Variants in LRRC4B observed in about 807,000 individuals in gnomAD.
The protein encoded by LRRC4B is leucine-rich repeat-containing protein 4B.
Under a neutral mutation model 7.3 loss-of-function variants are expected in LRRC4B, and 1 was observed. The observed-to-expected ratio is 0.14, with a 90% CI of 0.05 to 0.65. The LOEUF is 0.65. Among genes scored for constraint, LRRC4B ranks in the 30% least tolerant of loss-of-function variants. The pLI is 0.84. For missense variants in LRRC4B, 730 were observed against 1,041.6 expected (o/e 0.70, Z 4.12); for synonymous variants, 500 against 499.2 (o/e 1.00, Z -0.02).
intron 2 of LRRC4B, among the ~76,000 whole-genome samples, chr19:50,531,661 CTGCAGAA>C (rs375616282): frequency 6.6e-6 from 1 of 152,238 alleles, no homozygotes; most frequent in African/African-American, 2.4e-5. Context: ...CTCCTCTTCT[CTGCAGAA>C]TGCCTGCTGA....
rs567050562 is a variant in LRRC4B, at chr19:50,543,271, C to T, written c.297+5271G>A. 2.0e-4 allele frequency among the ~76,000 whole-genome samples: 30 copies of T among 152,074 alleles called. No homozygotes were observed. The South Asian group carries it at 5.8e-3, about 29-fold the overall frequency. ...AGATGACAACCAAGGCGGCAGGTCA[C>T]ACGGGAGGCTCTGGAATCCCCAGAA... On this transcript the variant is annotated intron_variant, in intron 2 of 2. Transcript: ENST00000652263.
At chr19:50,523,452 C>G (rs1980667832) in intron 2 of LRRC4B, among the ~76,000 whole-genome samples, 1 of 138,438 alleles carries the variant, frequency 7.2e-6, no homozygotes, top group African/African-American at 2.7e-5. Context: ...CCGAGGCGGG[C>G]AGATCAGTTG....
intron 2 of LRRC4B, among the ~76,000 whole-genome samples, chr19:50,531,329 C>T (rs1358342497): frequency 6.6e-6 from 1 of 152,232 alleles, no homozygotes; most frequent in Non-Finnish European, 1.5e-5. Flanking sequence ...CTCCAGCCCA[C>T]AGTGTTTTCC....
At chr19:50,541,699 G>A (rs541943032) in intron 2 of LRRC4B, among the ~76,000 whole-genome samples, 3 of 152,300 alleles carry the variant, frequency 2.0e-5, no homozygotes, top group East Asian at 1.9e-4. Flanking sequence ...AGAGCCGCCC[G>A]CTAAAAGCCT....
At chr19:50,546,896 C>A (rs1252024465) in intron 2 of LRRC4B, among the ~76,000 whole-genome samples, 1 of 152,218 alleles carries the variant, frequency 6.6e-6, no homozygotes. Context: ...CAGCCACTGG[C>A]TCCTTTTCCT....
chr19:50,564,679 GACACCTCGAGACA>G, intron 1 of LRRC4B, among the ~76,000 whole-genome samples: 2 of 152,034 alleles, frequency 1.3e-5, no homozygotes, highest in Non-Finnish European at 2.9e-5. Flanking sequence ...AGGTCCAGGT[GACACCTCGAGACA>G]GATGCCCGGC....
At chr19:50,525,450 G>C (rs1380167909) in intron 2 of LRRC4B, among the ~76,000 whole-genome samples, 1 of 148,784 alleles carries the variant, frequency 6.7e-6, no homozygotes, top group Non-Finnish European at 1.5e-5. Context: ...TTGTTGCCTA[G>C]GCTGGAGTGC....
At chr19:50,559,157 G>A (rs1022104677) in intron 1 of LRRC4B, among the ~76,000 whole-genome samples, 31 of 152,192 alleles carry the variant, frequency 2.0e-4, no homozygotes, top group Admixed American at 1.7e-3. Flanking sequence ...AAAGAGGGCC[G>A]GGGGTGGTGG....
intron 2 of LRRC4B, among the ~76,000 whole-genome samples, chr19:50,539,278 A>G (rs1411197343): frequency 6.6e-6 from 1 of 152,180 alleles, no homozygotes; most frequent in Non-Finnish European, 1.5e-5. Context: ...AGGGTGGGAC[A>G]GACATATATA....
At chr19:50,532,267 A>C (rs1981092315) in intron 2 of LRRC4B, among the ~76,000 whole-genome samples, 1 of 151,928 alleles carries the variant, frequency 6.6e-6, no homozygotes, top group African/African-American at 2.4e-5. Context: ...AAACAAAAAA[A>C]CAAAACACTG....
chr19:50,564,560 C>A lies in LRRC4B; in HGVS notation c.-36+3384G>T, dbSNP rs140610333. On this transcript the variant is annotated intron_variant, in intron 1 of 2. Coordinates refer to ENST00000652263, the MANE Select transcript of LRRC4B (RefSeq NM_001080457.2). ...AAAGACTGATGAATGAGTCCACAGA[C>A]TAGACGGATGGGCCAGGTCAGCAAG... 2.7e-4 allele frequency among the ~76,000 whole-genome samples: 41 copies of A among 152,038 alleles called. 1 individual carries two copies. Among genetic ancestry groups the A allele is most frequent in the African/African-American group, 9.9e-4 (41 of 41,468 alleles).
At position 50,518,975 on chromosome 19, in the gene LRRC4B, C is replaced by T. The variant is rs766981756; in HGVS notation, c.738G>A (p.Pro246=). Residue 246 remains proline, a synonymous_variant, in exon 3 of 3, where the codon CCG becomes CCA. Transcript: ENST00000652263. The stretch of plus-strand genomic sequence containing the variant: ...GGCTGGTGAGACCCTGGAAGGAGCC[C>T]GGGCGGATCAGGTCCAGCCGGTTGC... ...LSGNRLDLIR[P]GSFQGLTSLR... 13 of 1,613,220 alleles carry T rather than the reference C, an allele frequency of 8.1e-6. No individual in the cohort carries two copies. Among genetic ancestry groups the T allele is most frequent in the South Asian group, 4.4e-5 (4 of 91,056 alleles).
chr19:50,565,127 G>A (rs1186055702), intron 1 of LRRC4B, among the ~76,000 whole-genome samples: 1 of 152,190 alleles, frequency 6.6e-6, no homozygotes, highest in Non-Finnish European at 1.5e-5. Context: ...GCTGGATGGG[G>A]CTGGCCCTCC....
intron 2 of LRRC4B, among the ~76,000 whole-genome samples, chr19:50,534,596 T>C (rs951409193): frequency 5.9e-5 from 9 of 152,222 alleles, no homozygotes; most frequent in Admixed American, 1.3e-4. Flanking sequence ...ATCTCAATGA[T>C]GCAGATGTGA....
In LRRC4B at chr19:50,553,444, C is replaced by A. The variant is rs1423417763; in HGVS notation, c.-35-4571G>T. On this transcript the variant is annotated intron_variant, in intron 1 of 2. Transcript: ENST00000652263. This position sits in a 1 kb window ranked among gnomAD's most constrained non-coding sequence, Gnocchi z 4.2. ...CCCTGCTCACTCGCTGTTTCCAGAA[C>A]AGGCCGTGCACACCCCGGCCCCAGG... Among the ~76,000 whole-genome samples, 2 of 152,212 alleles carry A rather than the reference C, an allele frequency of 1.3e-5. No homozygotes were observed. Among genetic ancestry groups the A allele is most frequent in the Non-Finnish European group, 2.9e-5 (2 of 68,040 alleles).
Position 50,518,222 on chromosome 19 carries a change from C to T in LRRC4B, c.1491G>A (p.Thr497=), listed in dbSNP as rs773458654. 5 of 1,608,614 alleles carry T rather than the reference C, an allele frequency of 3.1e-6. No individual in the cohort carries two copies. The highest frequency in any genetic ancestry group is 4.5e-5 in the East Asian group (2 of 44,740). ...FTTVTVETLE[T]QPGEEALQPR... ...GCTGCAGGGCCTCCTCTCCGGGCTGCGTCTCCAGGGTCTCCACGGTCACCG... is the reference window on the plus strand; with the variant it reads ...GCTGCAGGGCCTCCTCTCCGGGCTGTGTCTCCAGGGTCTCCACGGTCACCG... Residue 497 remains threonine (T), a synonymous_variant, in exon 3 of 3, where the codon ACG becomes ACA. Coordinates refer to ENST00000652263, the MANE Select transcript of LRRC4B (RefSeq NM_001080457.2).
intron 2 of LRRC4B, among the ~76,000 whole-genome samples, chr19:50,520,928 C>T (rs1015294072): frequency 9.2e-5 from 14 of 152,300 alleles, no homozygotes; most frequent in African/African-American, 2.6e-4. Context: ...GTCCACGCAA[C>T]GGCTTCTATG....
chr19:50,554,893 C>A (rs2122916015), intron 1 of LRRC4B, among the ~76,000 whole-genome samples: 1 of 152,314 alleles, frequency 6.6e-6, no homozygotes, highest in African/African-American at 2.4e-5. Context: ...GCCCCAAAGA[C>A]CCCCAAGTGT....
At chr19:50,539,884 C>G (rs1330259940) in intron 2 of LRRC4B, among the ~76,000 whole-genome samples, 1 of 125,388 alleles carries the variant, frequency 8.0e-6, no homozygotes, top group African/African-American at 3.9e-5. Flanking sequence ...GAGACTCCAT[C>G]TCAAAAAAAA....
Sources: gnomAD v4.1 joint callset for allele counts (sites outside exome capture counted in the v4.1 genomes callset) on GRCh38, gnomAD v4.1.1 for gene constraint, Gnocchi (gnomAD v3.1) non-coding constraint, MANE v1.5 for transcripts, NCBI Gene and HGNC (gene_info 2026-07-23, HGNC 2026-07-21) for gene names.